The following VAV3 variants were observed in gnomAD, a reference collection of about 807,000 sequenced individuals.
The protein encoded by VAV3 is guanine nucleotide exchange factor VAV3.
A neutral mutation model predicts 131.2 loss-of-function variants in VAV3; 94 were observed. The ratio of observed to expected loss-of-function variants is 0.72; its 90% CI spans 0.61 to 0.85. The LOEUF (loss-of-function observed/expected upper bound fraction) is 0.85. VAV3 is among the 40% of genes least tolerant of loss of function. The pLI is 0.00. For missense variants in VAV3, 939 were observed against 1,002.7 expected (o/e 0.94, Z 0.86); for synonymous variants, 349 against 342.0 (o/e 1.02, Z -0.22).
intron 1 of VAV3, among the ~76,000 whole-genome samples, chr1:107,891,485 T>A (rs895625321): frequency 6.6e-6 from 1 of 151,960 alleles, no homozygotes; most frequent in African/African-American, 2.4e-5. Context: ...ATGCAAATCC[T>A]GGCTCTGCCA....
At position 107,751,105 on chromosome 1, in the gene VAV3, T is replaced by C; in HGVS notation, c.1259+12A>G. 1.2e-6 allele frequency: 2 copies of C among 1,605,334 alleles called. No individual in the cohort carries two copies. The highest frequency in any genetic ancestry group is 1.7e-6 in the Non-Finnish European group (2 of 1,176,446). On this transcript the variant is annotated intron_variant, in intron 13 of 26. Transcript: ENST00000370056. ...ATTACTTATTTTGAAAATAGTATTC[T>C]TCTTTTCTTACCTTTCTTGTTTGGT...
At chr1:107,882,841 G>A (rs1033468955) in intron 1 of VAV3, among the ~76,000 whole-genome samples, 3 of 152,102 alleles carry the variant, frequency 2.0e-5, no homozygotes, top group African/African-American at 7.2e-5. Context: ...TATGCTACAT[G>A]TGGTATCAGT....
chr1:107,590,144 C>T (rs547704408), intron 25 of VAV3, among the ~76,000 whole-genome samples: 170 of 152,246 alleles, frequency 1.1e-3, no homozygotes, highest in Non-Finnish European at 2.0e-3. Flanking sequence ...ACTTATGGCT[C>T]CAATGACAAA....
intron 12 of VAV3, among the ~76,000 whole-genome samples, chr1:107,753,519 T>TACACACAC: frequency 1.1e-5 from 1 of 88,374 alleles, no homozygotes; most frequent in Non-Finnish European, 2.4e-5. Context: ...CACACATATA[T>TACACACAC]ATATATACGT....
At chr1:107,578,752 T>G in intron 25 of VAV3, 1 of 985,034 alleles carries the variant, frequency 1.0e-6, no homozygotes, top group Non-Finnish European at 1.2e-6. Context: ...GGGACTGTTT[T>G]CTAAGTGTCC....
intron 1 of VAV3, among the ~76,000 whole-genome samples, chr1:107,881,747 G>A (rs937865478): frequency 6.6e-6 from 1 of 152,086 alleles, no homozygotes; most frequent in African/African-American, 2.4e-5. Context: ...TATAAATCAG[G>A]CCAAAGCTCT....
At chr1:107,661,962 A>C (rs1657053156) in intron 19 of VAV3, among the ~76,000 whole-genome samples, 1 of 152,180 alleles carries the variant, frequency 6.6e-6, no homozygotes, top group Non-Finnish European at 1.5e-5. Context: ...TCCTCTCCTA[A>C]ATGAACAATT....
chr1:107,595,299 C>A (rs1651283063), intron 25 of VAV3, among the ~76,000 whole-genome samples: 1 of 152,050 alleles, frequency 6.6e-6, no homozygotes, highest in Non-Finnish European at 1.5e-5. Context: ...ATGTATAAAA[C>A]TTCACTGATG....
At chr1:107,890,990 T>C (rs1671283678) in intron 1 of VAV3, among the ~76,000 whole-genome samples, 1 of 152,098 alleles carries the variant, frequency 6.6e-6, no homozygotes, top group South Asian at 2.1e-4. Context: ...AATCTAACAC[T>C]GTTTGAAATA....
At chr1:107,917,763 T>A (rs753451227) in intron 1 of VAV3, among the ~76,000 whole-genome samples, 3 of 152,160 alleles carry the variant, frequency 2.0e-5, no homozygotes, top group Non-Finnish European at 4.4e-5. Flanking sequence ...TTTTGAATTT[T>A]TTTTTTCAAT....
chr1:107,788,025 C>T (rs1666110329), intron 2 of VAV3, among the ~76,000 whole-genome samples: 1 of 152,118 alleles, frequency 6.6e-6, no homozygotes, highest in Non-Finnish European at 1.5e-5. Flanking sequence ...AGGTCTAAAT[C>T]CTATCAGTCA....
intron 19 of VAV3, among the ~76,000 whole-genome samples, chr1:107,654,567 A>G (rs1337628145): frequency 6.6e-6 from 1 of 151,972 alleles, no homozygotes; most frequent in Non-Finnish European, 1.5e-5. Flanking sequence ...TTTTCCCCCA[A>G]CCATCAATCT....
intron 20 of VAV3, among the ~76,000 whole-genome samples, chr1:107,621,166 C>T (rs1431660155): frequency 6.6e-6 from 1 of 151,518 alleles, no homozygotes; most frequent in Non-Finnish European, 1.5e-5. Flanking sequence ...AAACAGGCTG[C>T]CAATGTCATT....
intron 4 of VAV3, among the ~76,000 whole-genome samples, chr1:107,773,879 C>A (rs923073579): frequency 6.6e-6 from 1 of 152,210 alleles, no homozygotes; most frequent in South Asian, 2.1e-4. Context: ...TGGAGGGGAT[C>A]CTGTTTGGAA....
intron 6 of VAV3, among the ~76,000 whole-genome samples, chr1:107,768,788 T>C (rs1426810344): frequency 2.0e-5 from 3 of 152,286 alleles, no homozygotes; most frequent in East Asian, 1.9e-4. Flanking sequence ...AGAACATTAT[T>C]GTCTGAGTTG....
chr1:107,576,957 C>T (rs1041779122), intron 25 of VAV3, among the ~76,000 whole-genome samples: 1 of 151,970 alleles, frequency 6.6e-6, no homozygotes, highest in African/African-American at 2.4e-5. Context: ...CACATCCCAG[C>T]TTATTTTCAA....
At chr1:107,680,752 A>C (rs1658544246) in intron 19 of VAV3, among the ~76,000 whole-genome samples, 1 of 152,162 alleles carries the variant, frequency 6.6e-6, no homozygotes, top group African/African-American at 2.4e-5. Context: ...CAACAACGTA[A>C]GGTAGGTCCT....
chr1:107,676,328 G>C (rs1658208281), intron 19 of VAV3, among the ~76,000 whole-genome samples: 1 of 152,142 alleles, frequency 6.6e-6, no homozygotes, highest in Non-Finnish European at 1.5e-5. Flanking sequence ...AGCTCTCCTT[G>C]GGATTCTGCT....
At chr1:107,579,225 G>A (rs947608973) in intron 25 of VAV3, among the ~76,000 whole-genome samples, 9 of 152,138 alleles carry the variant, frequency 5.9e-5, no homozygotes, top group Non-Finnish European at 1.2e-4. Flanking sequence ...CTTTGGCCCC[G>A]CTGCTGTCTT....
Sources: allele counts gnomAD v4.1 joint callset (sites outside exome capture counted in the v4.1 genomes callset), GRCh38; gene constraint gnomAD v4.1.1; transcripts MANE v1.5; gene names NCBI Gene and HGNC (gene_info 2026-07-23, HGNC 2026-07-21).